The following SMARCAL1 variants were observed in gnomAD, a reference collection of about 807,000 sequenced individuals.
The protein encoded by SMARCAL1 is SNF2 related chromatin remodeling annealing helicase 1.
A neutral mutation model predicts 94.5 loss-of-function variants in SMARCAL1; 58 were observed. That is an observed-to-expected ratio of 0.61 (90% confidence interval 0.50 to 0.76). SMARCAL1 has a LOEUF of 0.76. Among genes scored for constraint, SMARCAL1 ranks in the 30% least tolerant of loss-of-function variants. SMARCAL1 has a pLI of 0.00. For synonymous variants in SMARCAL1, 422 were observed against 455.1 expected (o/e 0.93, Z 0.93); for missense variants, 1,051 against 1,177.9 (o/e 0.89, Z 1.58).
intron 4 of SMARCAL1, among the ~76,000 whole-genome samples, chr2:216,417,057 C>T (rs1171551029): frequency 6.6e-6 from 1 of 152,224 alleles, no homozygotes; most frequent in Non-Finnish European, 1.5e-5. Context: ...GCTGCCATTT[C>T]TACACCGTCT....
intron 11 of SMARCAL1, among the ~76,000 whole-genome samples, 194 bp from the exon 12 acceptor site, chr2:216,450,652 G>A (rs1694427508): frequency 6.6e-6 from 1 of 152,110 alleles, no homozygotes; most frequent in Non-Finnish European, 1.5e-5. Flanking sequence ...TCTCATTCCT[G>A]ACTTTTTTCT....
intron 4 of SMARCAL1, among the ~76,000 whole-genome samples, chr2:216,418,130 G>C (rs1399931011): frequency 1.3e-5 from 2 of 151,990 alleles, no homozygotes; most frequent in Non-Finnish European, 2.9e-5. Flanking sequence ...TGTTGGCCAG[G>C]CTGGTCTTGA....
At position 216,482,659 on chromosome 2, in the gene SMARCAL1, T is replaced by A. The variant is rs1695226347; in HGVS notation, c.2626-79T>A. ...TGTGGTCTCTCATCTTTATATTCTC[T>A]CATCAGCCCTAGTGGAGGAGAGTCA... On this transcript the variant is annotated intron_variant, in intron 17 of 17. Transcript: ENST00000357276. This position sits in a 1 kb window ranked among gnomAD's most constrained non-coding sequence, Gnocchi z 4.3. 6.3e-7 allele frequency: 1 copy of A among 1,591,750 alleles called. No homozygotes were observed. The highest frequency in any genetic ancestry group is 1.7e-5 in the Admixed American group (1 of 59,864).
At chr2:216,438,253 A>G (rs1412437611) in intron 9 of SMARCAL1, among the ~76,000 whole-genome samples, 167 bp from the exon 10 acceptor site, 1 of 152,230 alleles carries the variant, frequency 6.6e-6, no homozygotes, top group Non-Finnish European at 1.5e-5. Context: ...AGCTGCCACC[A>G]GACCCCTGGG....
Position 216,482,679 on chromosome 2 carries a change from G to C in SMARCAL1, c.2626-59G>C. ...TTCTCTCATCAGCCCTAGTGGAGGA[G>C]AGTCAGTGTTGGAGCCTGGGCTCTT... On this transcript the variant is annotated intron_variant, in intron 17 of 17. Transcript: ENST00000357276. The surrounding 1 kb of genome is among the most constrained non-coding windows in gnomAD (Gnocchi z 4.3). 1 of 1,612,666 alleles carries C rather than the reference G, an allele frequency of 6.2e-7. No homozygotes were observed. The highest frequency in any genetic ancestry group is 1.3e-5 in the African/African-American group (1 of 75,028).
At position 216,423,788 on chromosome 2, in the gene SMARCAL1, G is replaced by A. The variant is rs550571597; in HGVS notation, c.1147+105G>A. 5.0e-5 allele frequency: 51 copies of A among 1,025,922 alleles called. 1 individual carries two copies. The Admixed American group carries it at 8.1e-4, about 16-fold the overall frequency. 63.6% of individuals were successfully genotyped at this position (1,025,922 alleles called of 1,614,324 possible). ...AAGAATCTTCTCCTCCCTTTGCTGT[G>A]GTGGGATGCTTGAGTACAGGGTAAG... On this transcript the variant is annotated intron_variant, in intron 6 of 17. Coordinates refer to ENST00000357276, the MANE Select transcript of SMARCAL1 (RefSeq NM_014140.4).
At chr2:216,438,346 C>A in intron 9 of SMARCAL1, 74 bp from the exon 10 acceptor site, 1 of 1,316,270 alleles carries the variant, frequency 7.6e-7, no homozygotes, top group African/African-American at 1.4e-5. Flanking sequence ...ATGCCAGGGT[C>A]AAGCCTAAAG....
At chr2:216,467,897 A>C in intron 13 of SMARCAL1, 47 bp from the exon 14 acceptor site, 1 of 1,130,880 alleles carries the variant, frequency 8.8e-7, no homozygotes, top group Non-Finnish European at 1.3e-6. Flanking sequence ...CACATAAAAC[A>C]TAAGGAGTAT....
intron 12 of SMARCAL1, chr2:216,451,392 C>T (rs1000922093): frequency 1.0e-4 from 39 of 372,102 alleles, no homozygotes; most frequent in Non-Finnish European, 1.1e-4. Context: ...TTTGAGAATG[C>T]ATCAGTCTAG....
At chr2:216,432,052 G>A (rs778757691) in intron 7 of SMARCAL1, among the ~76,000 whole-genome samples, 44 of 150,450 alleles carry the variant, frequency 2.9e-4, no homozygotes, top group Non-Finnish European at 5.5e-4. Context: ...ATGGAGTTTC[G>A]CTTTTGTTGC....
Position 216,450,889 on chromosome 2 carries a change from A to T in SMARCAL1, c.1895A>T (p.Glu632Val). The T allele has an allele frequency of 1.2e-6, 2 of 1,614,166 alleles. No individual in the cohort carries two copies. The highest frequency in any genetic ancestry group is 1.7e-6 in the Non-Finnish European group (2 of 1,180,012). ...TACTCAGGTTCCTCCAACCTGGGAG[A>T]GCTGAAGCTCCTGCTGGAGGAAGCA... Reference protein sequence around the residue: ...WDYSGSSNLGELKLLLEEAVM... With the variant: ...WDYSGSSNLGVLKLLLEEAVM... The change falls in exon 12 of 18, where the codon GAG (glutamate) becomes GTG (valine). Residue 632 changes from glutamate (E) to valine (V), a missense_variant. Physicochemically the swap from Glu to Val is moderately radical, Grantham distance 121. Transcript: ENST00000357276.
chr2:216,425,876 A>C (rs567046850), intron 6 of SMARCAL1, among the ~76,000 whole-genome samples: 4 of 152,266 alleles, frequency 2.6e-5, no homozygotes, highest in Non-Finnish European at 5.9e-5. Context: ...TGTGGACTCC[A>C]CCTGGAACTG....
chr2:216,418,718 T>C (rs763852483), intron 4 of SMARCAL1, among the ~76,000 whole-genome samples: 11 of 152,176 alleles, frequency 7.2e-5, no homozygotes, highest in Non-Finnish European at 1.6e-4. Flanking sequence ...CCTCCAGCCT[T>C]TTTTCTATGC....
chr2:216,435,143 C>G (rs931496771), intron 8 of SMARCAL1, among the ~76,000 whole-genome samples, 195 bp from the exon 9 acceptor site: 1 of 151,912 alleles, frequency 6.6e-6, no homozygotes. Flanking sequence ...CAGGTGTGAG[C>G]GACCGCACCC....
Position 216,447,084 on chromosome 2 carries a change from C to T in SMARCAL1, c.1777C>T (p.Gln593Ter). ...AMSRPAELYT[Q>*]IIAVKPTFFP... ...GTCCCGGCCCGCAGAGCTCTACACG[C>T]AGATCATCGCAGTCAAGCCAACTTT... Residue 593 changes from glutamine (Q) to a stop codon, truncating the protein, a stop_gained, in exon 11 of 18, where the codon CAG becomes TAG. Transcript: ENST00000357276. LOFTEE classifies it high-confidence loss of function. The T allele has an allele frequency of 6.2e-7, 1 of 1,614,058 alleles. No individual in the cohort carries two copies. Among genetic ancestry groups the T allele is most frequent in the East Asian group, 2.2e-5 (1 of 44,836 alleles).
Position 216,416,306 on chromosome 2 carries a change from G to A in SMARCAL1, c.861G>A (p.Leu287=). The A allele has an allele frequency of 6.2e-7, 1 of 1,612,604 alleles. No individual in the cohort carries two copies. Among genetic ancestry groups the A allele is most frequent in the Non-Finnish European group, 8.5e-7 (1 of 1,178,788 alleles). ...WNFSMNDYSA[L]MKAAQSLPTV... The stretch of plus-strand genomic sequence containing the variant: ...TCAGCATGAATGACTATAGTGCCCT[G>A]AGTAAGTAGACACATGGTTGTCTCA... Residue 287 remains leucine (L), a splice_region_variant and synonymous_variant, in exon 4 of 18, where the codon CTG becomes CTA. Transcript: ENST00000357276.
At chr2:216,451,596 A>G (rs1012511377) in intron 12 of SMARCAL1, 15 of 170,990 alleles carry the variant, frequency 8.8e-5, no homozygotes, top group African/African-American at 2.4e-4. Context: ...CCCCCTTTTT[A>G]CAGAGAGGGA....
At chr2:216,445,796 G>A (rs533348346) in intron 10 of SMARCAL1, among the ~76,000 whole-genome samples, 2 of 152,140 alleles carry the variant, frequency 1.3e-5, no homozygotes, top group African/African-American at 2.4e-5. Flanking sequence ...AGATATTGGC[G>A]ATTGCTGTGA....
At chr2:216,419,802 C>T (rs1392712864) in intron 4 of SMARCAL1, among the ~76,000 whole-genome samples, 2 of 151,810 alleles carry the variant, frequency 1.3e-5, no homozygotes, top group Admixed American at 6.6e-5. Context: ...GGCTAAGGTG[C>T]GTAGATGGTT....
Sources: gnomAD v4.1 joint callset for allele counts (sites outside exome capture counted in the v4.1 genomes callset) on GRCh38, gnomAD v4.1.1 for gene constraint, Gnocchi (gnomAD v3.1) non-coding constraint, MANE v1.5 for transcripts, NCBI Gene and HGNC (gene_info 2026-07-23, HGNC 2026-07-21) for gene names.